The following OSBPL3 variants were observed in gnomAD, a reference collection of about 807,000 sequenced individuals.
The protein encoded by OSBPL3 is oxysterol-binding protein-related protein 3.
In OSBPL3, 65 loss-of-function variants were observed where a neutral mutation model predicts 120.1. The observed-to-expected ratio is 0.54, with a 90% CI of 0.44 to 0.67. OSBPL3 has a LOEUF of 0.67. Ranked by LOEUF, OSBPL3 falls within the 30% of genes least tolerant of loss-of-function variation. OSBPL3 has a pLI of 0.00. For synonymous variants in OSBPL3, 416 were observed against 402.6 expected (o/e 1.03, Z -0.40); for missense variants, 1,004 against 1,082.1 (o/e 0.93, Z 1.01).
At position 24,872,010 on chromosome 7, in the gene OSBPL3, T is replaced by C. The variant is rs754257466; in HGVS notation, c.156A>G (p.Pro52=). ...RGEMNYTQEP[P]VQKGFLLKKR... ...TTTTCAGCAAAAATCCTTTCTGAAC[T>C]GGTGGCTCCTGGGTGTAATTCATCT... is the stretch of plus-strand genomic sequence containing the variant. Residue 52 remains proline, a synonymous_variant, in exon 3 of 23, where the codon CCA becomes CCG. Coordinates refer to ENST00000313367, the MANE Select transcript of OSBPL3 (RefSeq NM_015550.4). The surrounding 1 kb of genome is among the most constrained non-coding windows in gnomAD (Gnocchi z 4.1). The C allele has an allele frequency of 3.7e-6, 6 of 1,613,892 alleles. No homozygotes were observed. Among genetic ancestry groups the C allele is most frequent in the Non-Finnish European group, 5.1e-6 (6 of 1,179,940 alleles).
chr7:24,938,894 A>G lies in OSBPL3; in HGVS notation c.-150+40992T>C, dbSNP rs1046080769. On this transcript the variant is annotated intron_variant, in intron 1 of 22. Transcript: ENST00000313367. The surrounding 1 kb of genome is among the most constrained non-coding windows in gnomAD (Gnocchi z 5.8). ...AAAAAAAAAGATTGTTATTAAGGAA[A>G]AAGTATATAATGGGAGGCAACATTA... Among the ~76,000 whole-genome samples the G allele has an allele frequency of 2.0e-5, 3 of 151,908 alleles. No homozygotes were observed. The highest frequency in any genetic ancestry group is 4.4e-5 in the Non-Finnish European group (3 of 67,998).
In OSBPL3 at chr7:24,964,127, A is replaced by G. The variant is rs951739853; in HGVS notation, c.-150+15759T>C. ...TGATTAAAAAAAACTGATTGAATAA[A>G]CAAATGGAGAAGAAGAAACAAATCC... On this transcript the variant is annotated intron_variant, in intron 1 of 22. Transcript: ENST00000313367. This position sits in a 1 kb window ranked among gnomAD's most constrained non-coding sequence, Gnocchi z 4.2. Among the ~76,000 whole-genome samples, 1 of 152,212 alleles carries G rather than the reference A, an allele frequency of 6.6e-6. No homozygotes were observed. The highest frequency in any genetic ancestry group is 2.4e-5 in the African/African-American group (1 of 41,452).
At position 24,971,884 on chromosome 7, in the gene OSBPL3, T is replaced by C. The variant is rs1242389015; in HGVS notation, c.-150+8002A>G. On this transcript the variant is annotated intron_variant, in intron 1 of 22. Coordinates refer to ENST00000313367, the MANE Select transcript of OSBPL3 (RefSeq NM_015550.4). ...GGAAGGATGGTTTCCCATTCCCTAA[T>C]AGCTCCAACAAGCTCCGAAGGAAAC... Among the ~76,000 whole-genome samples, 5 of 152,200 alleles carry C rather than the reference T, an allele frequency of 3.3e-5. No homozygotes were observed. In the East Asian group the frequency reaches 9.6e-4, roughly 29 times the overall value.
Position 24,872,138 on chromosome 7 carries a change from C to T in OSBPL3, c.97-69G>A. 2 of 1,071,302 alleles carry T rather than the reference C, an allele frequency of 1.9e-6. No homozygotes were observed. Among genetic ancestry groups the T allele is most frequent in the Non-Finnish European group, 2.9e-6 (2 of 692,770 alleles). The allele number at this position is 1,071,302 out of a possible 1,614,324, so 66.4% of individuals were successfully genotyped here. A position where few individuals can be genotyped will look rare whatever the true frequency, so the allele number is the denominator to read the frequency against. On this transcript the variant is annotated intron_variant, in intron 2 of 22. Coordinates refer to ENST00000313367, the MANE Select transcript of OSBPL3 (RefSeq NM_015550.4). This position sits in a 1 kb window ranked among gnomAD's most constrained non-coding sequence, Gnocchi z 4.1. ...AAAATAATAATGGTAAAAAGCACTG[C>T]ATCCTGTCAGTAAATTTATTCAAGA...
Position 24,816,666 on chromosome 7 carries a change from G to T in OSBPL3, c.1971C>A (p.Phe657Leu). The T allele has an allele frequency of 6.2e-7, 1 of 1,612,088 alleles. No homozygotes were observed. The highest frequency in any genetic ancestry group is 8.5e-7 in the Non-Finnish European group (1 of 1,178,184). Residue 657 changes from phenylalanine (F) to leucine (L), a missense_variant, in exon 18 of 23, where the codon TTC (phenylalanine) becomes TTA (leucine). Transcript: ENST00000313367. The stretch of plus-strand genomic sequence containing the variant: ...GAACAATTTCCATGGATTTGCCCCA[G>T]AATTTGTTTTTCCATCTCACATCTG... ...FWQDVRWKNK[F>L]WGKSMEIVPI... is the part of the protein sequence containing the mutation.
Position 24,932,792 on chromosome 7 carries a change from G to A in OSBPL3, c.-149-40171C>T, listed in dbSNP as rs1042943075. ...GAGCAGCCCAAATGGACTAAGACAG[G>A]GGCAAAGACCAAACTGCCTTATATT... On this transcript the variant is annotated intron_variant, in intron 1 of 22. Coordinates refer to ENST00000313367, the MANE Select transcript of OSBPL3 (RefSeq NM_015550.4). This position sits in a 1 kb window ranked among gnomAD's most constrained non-coding sequence, Gnocchi z 5.6. Among the ~76,000 whole-genome samples the A allele has an allele frequency of 6.6e-6, 1 of 152,160 alleles. No homozygotes were observed. Among genetic ancestry groups the A allele is most frequent in the African/African-American group, 2.4e-5 (1 of 41,440 alleles).
At position 24,883,537 on chromosome 7, in the gene OSBPL3, A is replaced by C. The variant is rs956536211; in HGVS notation, c.96+8840T>G. On this transcript the variant is annotated intron_variant, in intron 2 of 22. Transcript: ENST00000313367. The surrounding 1 kb of genome is among the most constrained non-coding windows in gnomAD (Gnocchi z 5.4). ...CCAGGGTTCTGCCTTCCTGTATCTT[A>C]AATGTGCCCACTGCCAACCATGAAT... 2.6e-5 allele frequency among the ~76,000 whole-genome samples: 4 copies of C among 152,144 alleles called. No homozygotes were observed. The highest frequency in any genetic ancestry group is 4.8e-5 in the African/African-American group (2 of 41,430).
chr7:24,971,949 A>G (rs1325440625), intron 1 of OSBPL3, among the ~76,000 whole-genome samples: 1 of 152,194 alleles, frequency 6.6e-6, no homozygotes, highest in African/African-American at 2.4e-5. Context: ...TGCATGAAGC[A>G]GCCCTACACC....
intron 19 of OSBPL3, chr7:24,810,294 C>G (rs997028600): frequency 5.6e-6 from 1 of 177,190 alleles, no homozygotes; most frequent in South Asian, 1.2e-4. Context: ...GAGACCAAGG[C>G]AGGCAGATCA....
rs999235809 is a variant in OSBPL3 at position 24,881,223 on chromosome 7, C to T, written c.97-9154G>A. Reference sequence around the variant, plus strand: ...GGTGGCAGAAGTTTAGCACAATAAACTCTTCTTTATCTTGATCCAAATCAG... The same window carrying T: ...GGTGGCAGAAGTTTAGCACAATAAATTCTTCTTTATCTTGATCCAAATCAG... On this transcript the variant is annotated intron_variant, in intron 2 of 22. Coordinates refer to ENST00000313367, the MANE Select transcript of OSBPL3 (RefSeq NM_015550.4). The surrounding 1 kb of genome is among the most constrained non-coding windows in gnomAD (Gnocchi z 4.3). Among the ~76,000 whole-genome samples, 2 of 152,346 alleles carry T rather than the reference C, an allele frequency of 1.3e-5. No homozygotes were observed. Among genetic ancestry groups the T allele is most frequent in the East Asian group, 1.9e-4 (1 of 5,186 alleles).
At chr7:24,809,987 G>A in intron 19 of OSBPL3, 36 bp from the exon 20 acceptor site, 1 of 1,611,330 alleles carries the variant, frequency 6.2e-7, no homozygotes, top group Non-Finnish European at 8.5e-7. Context: ...TAGTCCTTTA[G>A]CATCAGCTTA....
chr7:24,967,246 A>T lies in OSBPL3; in HGVS notation c.-150+12640T>A, dbSNP rs1251178190. 1.3e-5 allele frequency among the ~76,000 whole-genome samples: 2 copies of T among 152,190 alleles called. No homozygotes were observed. Among genetic ancestry groups the T allele is most frequent in the Non-Finnish European group, 2.9e-5 (2 of 68,032 alleles). On this transcript the variant is annotated intron_variant, in intron 1 of 22. Coordinates refer to ENST00000313367, the MANE Select transcript of OSBPL3 (RefSeq NM_015550.4). This position sits in a 1 kb window ranked among gnomAD's most constrained non-coding sequence, Gnocchi z 5.6. ...TAACACATATTCCCTTGCTCAAAAC[A>T]TTCTGTGGCTCTCCAATGGCCAGAG...
intron 12 of OSBPL3, among the ~76,000 whole-genome samples, chr7:24,843,508 A>C (rs1798034138): frequency 6.6e-6 from 1 of 152,140 alleles, no homozygotes; most frequent in South Asian, 2.1e-4. Flanking sequence ...TTCAGGATAT[A>C]CCCCTCAGTC....
In OSBPL3 at chr7:24,806,776, C is replaced by T; in HGVS notation, c.2444G>A (p.Arg815Lys). ...AGAAAAATCTTTAAAAAATCCTTAC[C>T]TCTGGTCTGGCCTAAATCGAGTGTC... Reference protein sequence around the residue: ...PTDTRFRPDQRFLEEGNLEEA... With the variant: ...PTDTRFRPDQKFLEEGNLEEA... The change falls in exon 21 of 23, where the codon AGG becomes AAG. Residue 815 changes from arginine to lysine, a missense_variant and splice_region_variant. By Grantham distance (26) the Arg-to-Lys change is conservative. Around this residue, in one of 4 missense-constraint regions of OSBPL3, gnomAD observed 473 missense variants for 568.0 expected, o/e 0.83. Transcript: ENST00000313367. The surrounding 1 kb of genome is among the most constrained non-coding windows in gnomAD (Gnocchi z 5.2). 6.2e-7 allele frequency: 1 copy of T among 1,613,116 alleles called. No homozygotes were observed. Among genetic ancestry groups the T allele is most frequent in the Non-Finnish European group, 8.5e-7 (1 of 1,179,570 alleles).
At chr7:24,812,295 A>C (rs1793907017) in intron 19 of OSBPL3, among the ~76,000 whole-genome samples, 1 of 113,256 alleles carries the variant, frequency 8.8e-6, no homozygotes, top group Admixed American at 9.8e-5. Flanking sequence ...TGAGATTGAG[A>C]CTCCATCTCA....
chr7:24,854,429 T>A lies in OSBPL3; in HGVS notation c.1028-1795A>T, dbSNP rs1198748630. Among the ~76,000 whole-genome samples, 2 of 151,986 alleles carry A rather than the reference T, an allele frequency of 1.3e-5. No individual in the cohort carries two copies. The highest frequency in any genetic ancestry group is 3.9e-4 in the East Asian group (2 of 5,178). On this transcript the variant is annotated intron_variant, in intron 10 of 22. Transcript: ENST00000313367. The surrounding 1 kb of genome is among the most constrained non-coding windows in gnomAD (Gnocchi z 4.1). ...TCTCTATATGTTGTTGCTGAACTTG[T>A]CTGAGGTTGTGGCATTTAGTGATGG... is the stretch of plus-strand genomic sequence containing the variant.
chr7:24,979,988 C>A lies in OSBPL3; in HGVS notation c.-252G>T. The A allele has an allele frequency of 3.0e-6, 3 of 985,388 alleles. No individual in the cohort carries two copies. Among genetic ancestry groups the A allele is most frequent in the Non-Finnish European group, 3.6e-6 (3 of 829,996 alleles). 61.0% of individuals were successfully genotyped at this position (985,388 alleles called of 1,614,324 possible). A position where few individuals can be genotyped will look rare whatever the true frequency, so the allele number is the denominator to read the frequency against. On this transcript the variant is annotated 5_prime_UTR_variant, in exon 1 of 23. Coordinates refer to ENST00000313367, the MANE Select transcript of OSBPL3 (RefSeq NM_015550.4). ...GGCAACCCCGGCTTCTCCGGTACCC[C>A]CGCAACGTGCAGCTGACAGCTCCCG...
chr7:24,836,201 ACTGCTTTTCAAAAAGG>A lies in OSBPL3; in HGVS notation c.1496-1481_1496-1466del, dbSNP rs1464522794. Among the ~76,000 whole-genome samples the A allele has an allele frequency of 3.9e-5, 6 of 152,328 alleles. No homozygotes were observed. The South Asian group carries it at 6.2e-4, about 16-fold the overall frequency. On this transcript the variant is annotated intron_variant, in intron 14 of 22. Transcript: ENST00000313367. ...TTAGACTTCTGATTCACATGATCAGACTGCTTTTCAAAAAGGCTGCCCCCAACTTCCCCATTTATCG... is the reference window on the plus strand; with the variant it reads ...TTAGACTTCTGATTCACATGATCAGACTGCCCCCAACTTCCCCATTTATCG...
At position 24,918,327 on chromosome 7, in the gene OSBPL3, C is replaced by T. The variant is rs1390434767; in HGVS notation, c.-149-25706G>A. Among the ~76,000 whole-genome samples the T allele has an allele frequency of 6.6e-6, 1 of 152,176 alleles. No homozygotes were observed. The highest frequency in any genetic ancestry group is 1.5e-5 in the Non-Finnish European group (1 of 68,030). ...CACATAACTGTGCCATCCCCAACAT[C>T]CCACTCTCCTCTCCACTTGCTGTTT... is the stretch of plus-strand genomic sequence containing the variant. On this transcript the variant is annotated intron_variant, in intron 1 of 22. Coordinates refer to ENST00000313367, the MANE Select transcript of OSBPL3 (RefSeq NM_015550.4). The surrounding 1 kb of genome is among the most constrained non-coding windows in gnomAD (Gnocchi z 4.3).
Sources: gnomAD v4.1 joint callset for allele counts (sites outside exome capture counted in the v4.1 genomes callset) on GRCh38, gnomAD v4.1.1 for gene constraint, gnomAD v4.1.1 regional missense constraint, Gnocchi (gnomAD v3.1) non-coding constraint, MANE v1.5 for transcripts, NCBI Gene and HGNC (gene_info 2026-07-23, HGNC 2026-07-21) for gene names.